COL22A1: variants seen among roughly 807,000 people sequenced by gnomAD.
The protein encoded by COL22A1 is collagen alpha-1(XXII) chain.
A neutral mutation model predicts 248.9 loss-of-function variants in COL22A1; 221 were observed. The observed-to-expected ratio is 0.89, with a 90% confidence interval of 0.80 to 0.99. The LOEUF (loss-of-function observed/expected upper bound fraction) is 0.99. COL22A1 is among the 50% of genes least tolerant of loss of function. The pLI is 0.00. For synonymous variants in COL22A1, 891 were observed against 793.4 expected (o/e 1.12, Z -2.07); for missense variants, 2,240 against 2,179.0 (o/e 1.03, Z -0.56).
rs1817042213 is a variant in COL22A1, at chr8:138,591,463, C to A, written c.4654G>T (p.Val1552Phe). ...GGTCCCATCTCGCCTCGGAGGCCAACTCCAGGTGCACCTGGGTCACCTTTG... is the reference window on the plus strand; with the variant it reads ...GGTCCCATCTCGCCTCGGAGGCCAAATCCAGGTGCACCTGGGTCACCTTTG... ...GAKGDPGAPG[V>F]GLRGEMGPPG... is the part of the protein sequence containing the mutation. Residue 1552 changes from valine to phenylalanine, a missense_variant, in exon 64 of 65, where the codon GTT becomes TTT. Coordinates refer to ENST00000303045, the MANE Select transcript of COL22A1 (RefSeq NM_152888.3). 5.7e-6 allele frequency: 9 copies of A among 1,580,636 alleles called. No homozygotes were observed. Among genetic ancestry groups the A allele is most frequent in the Non-Finnish European group, 7.7e-6 (9 of 1,163,200 alleles).
At chr8:138,884,303 A>C (rs1288184140) in intron 1 of COL22A1, among the ~76,000 whole-genome samples, 1 of 152,120 alleles carries the variant, frequency 6.6e-6, no homozygotes, top group African/African-American at 2.4e-5. Flanking sequence ...GGACTGCTTG[A>C]TCCCTGGAGG....
chr8:138,821,309 C>A lies in COL22A1; in HGVS notation c.1072G>T (p.Asp358Tyr). ...TTGTGCCAGTCCCGGTCAAAGAGGT[C>A]ATTGACCCGAGAACCTCGGAAGACC... ...RVVFRGSRVN[D>Y]LFDRDWHKMA... is the part of the protein sequence containing the mutation. The change falls in exon 7 of 65, where the codon GAC becomes TAC. Residue 358 changes from aspartate (D) to tyrosine (Y), a missense_variant. Coordinates refer to ENST00000303045, the MANE Select transcript of COL22A1 (RefSeq NM_152888.3). The A allele has an allele frequency of 6.2e-7, 1 of 1,614,152 alleles. No individual in the cohort carries two copies. The highest frequency in any genetic ancestry group is 8.5e-7 in the Non-Finnish European group (1 of 1,180,036).
chr8:138,766,338 G>A (rs1183148493), intron 16 of COL22A1, among the ~76,000 whole-genome samples: 2 of 152,286 alleles, frequency 1.3e-5, no homozygotes, highest in East Asian at 3.9e-4. Context: ...ACAGAGGAGC[G>A]AGGTGGACAT....
chr8:138,632,574 T>C (rs1161735069), intron 49 of COL22A1, among the ~76,000 whole-genome samples: 1 of 152,198 alleles, frequency 6.6e-6, no homozygotes, highest in African/African-American at 2.4e-5. Context: ...CATACTTTTA[T>C]CAAGCGCCTA....
intron 29 of COL22A1, 77 bp downstream of exon 29, chr8:138,716,150 T>G: frequency 5.3e-6 from 6 of 1,130,892 alleles, no homozygotes; most frequent in South Asian, 1.4e-5. Context: ...CCCGAGGGAC[T>G]GAGACTCCAC....
chr8:138,830,250 C>T (rs1297511408), intron 5 of COL22A1, among the ~76,000 whole-genome samples: 5 of 152,122 alleles, frequency 3.3e-5, no homozygotes, highest in Admixed American at 1.3e-4. Flanking sequence ...AATGTTGTAC[C>T]AGCTAAGTGA....
chr8:138,861,960 G>A (rs1668154584), intron 3 of COL22A1, among the ~76,000 whole-genome samples: 1 of 150,284 alleles, frequency 6.7e-6, no homozygotes, highest in Admixed American at 6.6e-5. Context: ...AGGCCGAGGC[G>A]GGCAGATCAC....
At chr8:138,626,329 G>T in intron 50 of COL22A1, 86 bp from the exon 51 acceptor site, 1 of 1,045,812 alleles carries the variant, frequency 9.6e-7, no homozygotes, top group African/African-American at 1.6e-5. Context: ...TGCATTCATG[G>T]GTTGGGGGAG....
At chr8:138,721,083 C>G (rs150985651) in intron 26 of COL22A1, among the ~76,000 whole-genome samples, 19 of 152,032 alleles carry the variant, frequency 1.2e-4, no homozygotes, top group African/African-American at 4.1e-4. Context: ...ATAAGTGTTT[C>G]TAAGAATAAA....
At chr8:138,833,794 T>G (rs1459209529) in intron 4 of COL22A1, among the ~76,000 whole-genome samples, 1 of 152,100 alleles carries the variant, frequency 6.6e-6, no homozygotes, top group African/African-American at 2.4e-5. Context: ...GGCTTTGGAC[T>G]TGGGTGAGGG....
chr8:138,882,469 A>C (rs1824292603), intron 2 of COL22A1, among the ~76,000 whole-genome samples: 1 of 134,108 alleles, frequency 7.5e-6, no homozygotes, highest in African/African-American at 2.9e-5. Flanking sequence ...TACACCTCAC[A>C]CTCATACACA....
rs1422851909 is a variant in COL22A1, at chr8:138,655,869, C to T, written c.3333+28G>A. The T allele has an allele frequency of 1.9e-6, 3 of 1,587,638 alleles. No homozygotes were observed. In the East Asian group the frequency reaches 6.7e-5, roughly 35 times the overall value. ...AATCCCGCCATCACCATTTTCAAAA[C>T]ACATGCGCATTTATTGTATGCTTTT... On this transcript the variant is annotated intron_variant, in intron 45 of 64. Transcript: ENST00000303045.
intron 22 of COL22A1, among the ~76,000 whole-genome samples, chr8:138,749,537 G>A (rs1464970243): frequency 6.6e-6 from 1 of 152,220 alleles, no homozygotes; most frequent in Non-Finnish European, 1.5e-5. Flanking sequence ...ATGTGCGGGA[G>A]CATGTTGAGA....
chr8:138,683,024 A>G (rs1202935630), intron 39 of COL22A1, among the ~76,000 whole-genome samples: 1 of 152,156 alleles, frequency 6.6e-6, no homozygotes, highest in Admixed American at 6.5e-5. Context: ...AACCAGGACA[A>G]ACATCTCCTT....
rs1822523695 is a variant in COL22A1 at position 138,649,708 on chromosome 8, C to G, written c.3404G>C (p.Gly1135Ala). ...TTCTCTCCCTGGCTTTCCTGGGACA[C>G]CTTTGTCCCCTTTAAAACCTGGTAG... The part of the protein sequence containing the change: ...PGLPGFKGDK[G>A]VPGKPGREGT... The change falls in exon 46 of 65, where the codon GGT (glycine) becomes GCT (alanine). Residue 1135 changes from glycine to alanine, a missense_variant. Physicochemically the swap from Gly to Ala is moderately conservative, Grantham distance 60. Transcript: ENST00000303045. 1 of 1,613,294 alleles carries G rather than the reference C, an allele frequency of 6.2e-7. No homozygotes were observed. Among genetic ancestry groups the G allele is most frequent in the Non-Finnish European group, 8.5e-7 (1 of 1,179,620 alleles).
chr8:138,874,817 G>C (rs1463176697), intron 3 of COL22A1, among the ~76,000 whole-genome samples: 1 of 152,146 alleles, frequency 6.6e-6, no homozygotes, highest in Non-Finnish European at 1.5e-5. Flanking sequence ...CTTCTTTCTT[G>C]CTCCTCTTTG....
intron 1 of COL22A1, among the ~76,000 whole-genome samples, chr8:138,890,394 A>G (rs1277628712): frequency 6.6e-6 from 1 of 152,212 alleles, no homozygotes; most frequent in Middle Eastern, 3.2e-3. Flanking sequence ...AGAAAAAGAA[A>G]TAAAAGGCAT....
chr8:138,907,978 G>A (rs1351604708), intron 1 of COL22A1, among the ~76,000 whole-genome samples: 1 of 152,124 alleles, frequency 6.6e-6, no homozygotes, highest in Non-Finnish European at 1.5e-5. Flanking sequence ...GAACTTTGGG[G>A]AGACACACTC....
intron 60 of COL22A1, among the ~76,000 whole-genome samples, chr8:138,601,113 C>T (rs190366709): frequency 4.0e-5 from 6 of 151,176 alleles, no homozygotes; most frequent in Non-Finnish European, 7.4e-5. Flanking sequence ...GGCTCTCAAC[C>T]GAAATTCAAG....
Sources: allele counts gnomAD v4.1 joint callset (sites outside exome capture counted in the v4.1 genomes callset), GRCh38; gene constraint gnomAD v4.1.1; transcripts MANE v1.5; gene names NCBI Gene and HGNC (gene_info 2026-07-23, HGNC 2026-07-21).